TNPO3: variants seen among roughly 807,000 people sequenced by gnomAD.
The protein encoded by TNPO3 is transportin 3.
In TNPO3, 65 loss-of-function variants were observed where a neutral mutation model predicts 122.8. The ratio of observed to expected loss-of-function variants is 0.53; its 90% CI spans 0.43 to 0.65. The LOEUF (loss-of-function observed/expected upper bound fraction) is 0.65, where lower values mean the gene tolerates loss of function less well. TNPO3 is among the 30% of genes least tolerant of loss of function. The pLI, the probability that TNPO3 is intolerant of heterozygous loss-of-function variation, is 0.00. For missense variants in TNPO3, 850 were observed against 1,136.7 expected, an observed-to-expected ratio of 0.75 and a Z score of 3.63; for synonymous variants, 372 against 411.2, an observed-to-expected ratio of 0.90 and a Z score of 1.15.
chr7:128,974,774 C>G, intron 18 of TNPO3, 94 bp downstream of exon 18: 2 of 1,066,732 alleles, frequency 1.9e-6, no homozygotes, highest in Non-Finnish European at 2.9e-6. Flanking sequence ...CCAGTGACTT[C>G]ATTTTACAAG....
chr7:129,022,201 A>G (rs1804601932), intron 1 of TNPO3, among the ~76,000 whole-genome samples: 1 of 152,120 alleles, frequency 6.6e-6, no homozygotes, highest in Non-Finnish European at 1.5e-5. Context: ...CCTGAGCAAC[A>G]TAGCAAGATT....
intron 1 of TNPO3, among the ~76,000 whole-genome samples, chr7:129,028,170 C>T (rs1805488666): frequency 6.6e-6 from 1 of 152,116 alleles, no homozygotes; most frequent in African/African-American, 2.4e-5. Context: ...AGGACATCCA[C>T]ATATAGTAAT....
At position 129,015,099 on chromosome 7, in the gene TNPO3, C is replaced by T. The variant is rs2150425729; in HGVS notation, c.432G>A (p.Leu144=). Residue 144 remains leucine, a synonymous_variant, in exon 4 of 23, where the codon CTG becomes CTA. Transcript: ENST00000265388. ...SNDVTSLPFL[L]EILTVLPEEV... ...CTTCAGGTAACACTGTAAGGATCTC[C>T]AGCAAAAAAGGCAAAGAAGTCACAT... The T allele has an allele frequency of 1.2e-6, 2 of 1,609,178 alleles. No homozygotes were observed. The highest frequency in any genetic ancestry group is 1.7e-4 in the Middle Eastern group (1 of 6,046).
chr7:128,959,701 G>T (rs1797248954), intron 21 of TNPO3, among the ~76,000 whole-genome samples: 1 of 152,132 alleles, frequency 6.6e-6, no homozygotes, highest in African/African-American at 2.4e-5. Flanking sequence ...AAGTGTCCTT[G>T]GTGGGGAGCC....
chr7:128,988,290 A>C (rs529905642), intron 11 of TNPO3, among the ~76,000 whole-genome samples: 14 of 152,252 alleles, frequency 9.2e-5, no homozygotes, highest in Admixed American at 5.2e-4. Flanking sequence ...ATAATGTCTT[A>C]AAGCCCATTT....
chr7:129,053,856 T>G (rs1045047323), intron 1 of TNPO3, among the ~76,000 whole-genome samples: 5 of 152,074 alleles, frequency 3.3e-5, no homozygotes, highest in Non-Finnish European at 7.4e-5. Flanking sequence ...GGTGTGAAAA[T>G]TAGGGCAGGA....
At chr7:128,978,083 G>T (rs1010623498) in intron 16 of TNPO3, among the ~76,000 whole-genome samples, 1 of 152,204 alleles carries the variant, frequency 6.6e-6, no homozygotes, top group African/African-American at 2.4e-5. Flanking sequence ...GCAAATGCAG[G>T]ATTGGCACTT....
At chr7:128,957,350 G>C (rs745387818) in intron 21 of TNPO3, 35 bp from the exon 22 acceptor site, 1 of 1,610,540 alleles carries the variant, frequency 6.2e-7, no homozygotes, top group Admixed American at 1.7e-5. Flanking sequence ...CCTTGACTGA[G>C]GAGAAAGACA....
intron 17 of TNPO3, among the ~76,000 whole-genome samples, chr7:128,975,558 C>T (rs567560245): frequency 6.6e-5 from 10 of 152,260 alleles, no homozygotes; most frequent in African/African-American, 2.4e-4. Flanking sequence ...CTCCCCCCTC[C>T]AAACACCCTA....
intron 1 of TNPO3, among the ~76,000 whole-genome samples, chr7:129,036,195 C>T (rs1435254161): frequency 6.6e-6 from 1 of 151,874 alleles, no homozygotes; most frequent in African/African-American, 2.4e-5. Context: ...CCTCATGATC[C>T]GCCCACCTCG....
chr7:128,990,852 G>A (rs1184465276), intron 10 of TNPO3, among the ~76,000 whole-genome samples: 1 of 152,146 alleles, frequency 6.6e-6, no homozygotes, highest in Non-Finnish European at 1.5e-5. Flanking sequence ...AATGAAAGAT[G>A]TTTAAAATGT....
chr7:128,992,278 T>C (rs1407363167), intron 9 of TNPO3, among the ~76,000 whole-genome samples, 188 bp from the exon 10 acceptor site: 3 of 152,164 alleles, frequency 2.0e-5, no homozygotes, highest in South Asian at 2.1e-4. Flanking sequence ...ATTTTAATAT[T>C]TGAAATAAAC....
At chr7:129,021,042 C>G (rs1584577448) in intron 1 of TNPO3, among the ~76,000 whole-genome samples, 2 of 152,188 alleles carry the variant, frequency 1.3e-5, no homozygotes, top group African/African-American at 4.8e-5. Flanking sequence ...AGGAGCCAAT[C>G]TGAGGATGGC....
chr7:129,035,950 C>CT (rs71162551), intron 1 of TNPO3, among the ~76,000 whole-genome samples: 2,668 of 119,976 alleles, frequency 0.022, 58 homozygotes, highest in Admixed American at 0.043. Flanking sequence ...CTTTTCTTTT[C>CT]TTTTTTTTTT....
chr7:128,999,153 T>C (rs1485222725), intron 7 of TNPO3, among the ~76,000 whole-genome samples: 1 of 152,196 alleles, frequency 6.6e-6, no homozygotes, highest in Non-Finnish European at 1.5e-5. Flanking sequence ...GCCAGAAGTC[T>C]TTTTTAAAGT....
rs1014924817 is a variant in TNPO3 at position 128,955,298 on chromosome 7, AG to A, written c.*118del. 1.8e-4 allele frequency: 82 copies of A among 455,050 alleles called. No individual in the cohort carries two copies. Among genetic ancestry groups the A allele is most frequent in the African/African-American group, 1.6e-3 (82 of 50,094 alleles). 28.2% of individuals were successfully genotyped at this position (455,050 alleles called of 1,614,324 possible). ...TGGCGGGACACCCTGGTGGCGGTGA[AG>A]GCCCCTCTGCCACAACGGAGGTTTC... On this transcript the variant is annotated 3_prime_UTR_variant, in exon 23 of 23. Transcript: ENST00000265388.
chr7:128,979,235 T>C, intron 15 of TNPO3, 112 bp from the exon 16 acceptor site: 2 of 1,321,170 alleles, frequency 1.5e-6, no homozygotes, highest in Non-Finnish European at 2.1e-6. Flanking sequence ...GACAAAACTT[T>C]CTGTATAGGA....
Position 128,979,119 on chromosome 7 carries a change from C to T in TNPO3, c.1925G>A (p.Trp642Ter). 1 of 1,613,934 alleles carries T rather than the reference C, an allele frequency of 6.2e-7. No individual in the cohort carries two copies. Among genetic ancestry groups the T allele is most frequent in the Non-Finnish European group, 8.5e-7 (1 of 1,179,922 alleles). ...HPCQKVIQEI[W>*]PVLSETLNKH... is the part of the protein sequence containing the mutation. ...ATTTAGAGTCTCGGATAAAACTGGC[C>T]ATATCTGGGTCAAAAGTAAAAGAGC... The change falls in exon 16 of 23, where the codon TGG (tryptophan) becomes TAG (stop). Residue 642 changes from tryptophan (W) to a stop codon, truncating the protein, a stop_gained. Transcript: ENST00000265388. LOFTEE classifies it high-confidence loss of function.
chr7:129,023,880 G>A (rs1804807884), intron 1 of TNPO3, among the ~76,000 whole-genome samples: 1 of 152,166 alleles, frequency 6.6e-6, no homozygotes, highest in Non-Finnish European at 1.5e-5. Context: ...CAGCATGTAA[G>A]TAAAGAAATA....
Sources: gnomAD v4.1 joint callset for allele counts (sites outside exome capture counted in the v4.1 genomes callset) on GRCh38, gnomAD v4.1.1 for gene constraint, MANE v1.5 for transcripts, NCBI Gene and HGNC (gene_info 2026-07-23, HGNC 2026-07-21) for gene names.